Variants in UNC5D observed in about 807,000 individuals in gnomAD.
UNC5D encodes the protein unc-5 netrin receptor D, also known as netrin receptor UNC5D.
UNC5D carries 39 observed loss-of-function variants against 105.4 expected under a neutral mutation model. The observed-to-expected ratio is 0.37, with a 90% confidence interval of 0.29 to 0.48. The LOEUF is 0.48. Ranked by LOEUF, UNC5D falls within the 20% of genes least tolerant of loss-of-function variation. UNC5D has a pLI of 0.98. For missense variants in UNC5D, 991 were observed against 1,202.4 expected (o/e 0.82, Z 2.60); for synonymous variants, 452 against 450.4 (o/e 1.00, Z -0.04).
chr8:35,306,567 G>A (rs1830397), intron 1 of UNC5D, among the ~76,000 whole-genome samples: 124,650 of 152,024 alleles, frequency 0.82, 51,565 homozygotes, highest in East Asian at 1. Flanking sequence ...CTTTATTTTT[G>A]TCTCGAAATC....
chr8:35,739,135 G>A (rs1430293764), intron 11 of UNC5D, among the ~76,000 whole-genome samples: 1 of 152,146 alleles, frequency 6.6e-6, no homozygotes, highest in Non-Finnish European at 1.5e-5. Context: ...GTGCCATGCA[G>A]TGTAACAAAA....
intron 1 of UNC5D, among the ~76,000 whole-genome samples, chr8:35,472,905 T>C (rs1353470466): frequency 2.6e-5 from 4 of 152,122 alleles, no homozygotes; most frequent in African/African-American, 9.7e-5. Context: ...TTCATCCAAA[T>C]GTTGGATTTT....
intron 1 of UNC5D, among the ~76,000 whole-genome samples, chr8:35,354,057 A>G (rs907556413): frequency 6.6e-6 from 1 of 150,686 alleles, no homozygotes; most frequent in African/African-American, 2.5e-5. Flanking sequence ...TGAATAATAT[A>G]TTAATGTGAC....
At chr8:35,769,856 G>A (rs1463594454) in intron 15 of UNC5D, among the ~76,000 whole-genome samples, 2 of 152,066 alleles carry the variant, frequency 1.3e-5, no homozygotes, top group South Asian at 2.1e-4. Flanking sequence ...CCAGCTACTC[G>A]GGAGGCTGAA....
chr8:35,720,402 G>A (rs1828512459), intron 8 of UNC5D, among the ~76,000 whole-genome samples: 1 of 152,330 alleles, frequency 6.6e-6, no homozygotes, highest in Non-Finnish European at 1.5e-5. Flanking sequence ...TAAGGTGAGA[G>A]TGTCATCAGT....
chr8:35,326,543 C>T (rs1223100461), intron 1 of UNC5D, among the ~76,000 whole-genome samples: 4 of 152,076 alleles, frequency 2.6e-5, no homozygotes, highest in Admixed American at 2.6e-4. Flanking sequence ...CTGCTTGAGG[C>T]CAGGAGTTAG....
chr8:35,594,455 A>T (rs1169990505), intron 3 of UNC5D, among the ~76,000 whole-genome samples: 6 of 152,224 alleles, frequency 3.9e-5, no homozygotes, highest in African/African-American at 1.4e-4. Context: ...ATAAATTCAC[A>T]GCCTGTAATT....
chr8:35,302,337 T>C (rs1808017335), intron 1 of UNC5D, among the ~76,000 whole-genome samples: 2 of 152,190 alleles, frequency 1.3e-5, no homozygotes, highest in Non-Finnish European at 2.9e-5. Context: ...ATGTCTCCCT[T>C]GTTATAAAAG....
intron 1 of UNC5D, among the ~76,000 whole-genome samples, chr8:35,392,990 TA>T (rs140223808): frequency 6.6e-6 from 1 of 152,128 alleles, no homozygotes; most frequent in Admixed American, 6.5e-5. Context: ...TTGTTCTTTT[TA>T]AAAAATCTTT....
At chr8:35,631,115 C>G (rs989748679) in intron 4 of UNC5D, among the ~76,000 whole-genome samples, 1 of 152,114 alleles carries the variant, frequency 6.6e-6, no homozygotes, top group African/African-American at 2.4e-5. Context: ...GAGTTCGAGA[C>G]GAGCCTGGGC....
Position 35,741,378 on chromosome 8 carries a change from G to A in UNC5D, c.1767-7149G>A, listed in dbSNP as rs75430168. ...CTGTGATCCTATTTCAGATAATAGC[G>A]TGTGGGTGACCCAGATCTTTAAGCC... On this transcript the variant is annotated intron_variant, in intron 11 of 16. Coordinates refer to ENST00000404895, the MANE Select transcript of UNC5D (RefSeq NM_080872.4). Among the ~76,000 whole-genome samples the A allele has an allele frequency of 2.9e-3, 436 of 151,978 alleles. 3 individuals are homozygous for A. The highest frequency in any genetic ancestry group is 9.9e-3 in the African/African-American group (409 of 41,436).
At chr8:35,654,883 C>G (rs572692379) in intron 4 of UNC5D, among the ~76,000 whole-genome samples, 94 of 152,222 alleles carry the variant, frequency 6.2e-4, no homozygotes, top group Non-Finnish European at 1.1e-3. Flanking sequence ...CCCTGGTTTT[C>G]TCAGATCGAA....
chr8:35,784,646 G>T (rs1052122207), intron 16 of UNC5D, among the ~76,000 whole-genome samples: 4 of 152,046 alleles, frequency 2.6e-5, no homozygotes, highest in African/African-American at 4.8e-5. Flanking sequence ...TACTCGGGAG[G>T]CTGAAGCATA....
intron 2 of UNC5D, among the ~76,000 whole-genome samples, chr8:35,557,226 T>A (rs1170628537): frequency 6.6e-6 from 1 of 152,198 alleles, no homozygotes; most frequent in Non-Finnish European, 1.5e-5. Context: ...CAGACACCTC[T>A]GAGCTGATTA....
rs1803208091 is a variant in UNC5D at position 35,795,182 on chromosome 8, ATCTTACT to A, written c.*4621_*4627del. On this transcript the variant is annotated 3_prime_UTR_variant, in exon 17 of 17. Transcript: ENST00000404895. ...CTAATATTGAGTTCAGCAGGGCCCC[ATCTTACT>A]TATTTTTCAAAAAAGTTATAGCTTT... 1 of 152,152 alleles carries A rather than the reference ATCTTACT, an allele frequency of 6.6e-6. No homozygotes were observed. The highest frequency in any genetic ancestry group is 1.5e-5 in the Non-Finnish European group (1 of 68,036). 9.4% of individuals were successfully genotyped at this position (152,152 alleles called of 1,614,324 possible). A position where few individuals can be genotyped will look rare whatever the true frequency, so the allele number is the denominator to read the frequency against.
At chr8:35,417,336 C>A (rs1409882042) in intron 1 of UNC5D, among the ~76,000 whole-genome samples, 1 of 151,950 alleles carries the variant, frequency 6.6e-6, no homozygotes, top group East Asian at 1.9e-4. Context: ...GTGGGGTCTG[C>A]AATGATGAGT....
intron 4 of UNC5D, among the ~76,000 whole-genome samples, chr8:35,626,596 C>T (rs922895183): frequency 1.3e-5 from 2 of 152,158 alleles, no homozygotes; most frequent in South Asian, 2.1e-4. Context: ...CTGCAAGATA[C>T]GAGTGCTTGA....
chr8:35,613,141 G>A (rs997478469), intron 4 of UNC5D, among the ~76,000 whole-genome samples: 10 of 152,166 alleles, frequency 6.6e-5, no homozygotes, highest in African/African-American at 2.2e-4. Context: ...GCAGTGGCAC[G>A]ATCACAGTTC....
At chr8:35,591,271 A>G (rs1819155678) in intron 3 of UNC5D, among the ~76,000 whole-genome samples, 1 of 152,154 alleles carries the variant, frequency 6.6e-6, no homozygotes, top group Non-Finnish European at 1.5e-5. Flanking sequence ...AAAGCAAAAA[A>G]TAAAAAAGAA....
Sources: gnomAD v4.1 joint callset for allele counts (sites outside exome capture counted in the v4.1 genomes callset) on GRCh38, gnomAD v4.1.1 for gene constraint, MANE v1.5 for transcripts, NCBI Gene and HGNC (gene_info 2026-07-23, HGNC 2026-07-21) for gene names.